Variants in DENND1A observed in about 807,000 individuals in gnomAD.
DENND1A encodes the protein DENN domain containing 1A.
Under a neutral mutation model 113.7 loss-of-function variants are expected in DENND1A, and 51 were observed. That is an observed-to-expected ratio of 0.45 (90% confidence interval 0.36 to 0.57). The LOEUF (loss-of-function observed/expected upper bound fraction) is 0.57, where lower values mean the gene tolerates loss of function less well. Ranked by LOEUF, DENND1A falls within the 20% of genes least tolerant of loss-of-function variation. The pLI, the probability that DENND1A is intolerant of heterozygous loss-of-function variation, is 0.00. For missense variants in DENND1A, 1,258 were observed against 1,395.9 expected (o/e 0.90, Z 1.57); for synonymous variants, 565 against 570.8 (o/e 0.99, Z 0.14).
At position 123,381,525 on chromosome 9, in the gene DENND1A, C is replaced by A. The variant is rs779985177; in HGVS notation, c.3120G>T (p.Gln1040His). 6.2e-7 allele frequency: 1 copy of A among 1,613,618 alleles called. No homozygotes were observed. The highest frequency in any genetic ancestry group is 2.2e-5 in the East Asian group (1 of 44,820). Reference sequence around the variant, plus strand: ...TCGGGCTCACGTCTTGCTTGGTTTTCTGTAACAAATCCTCAAAGGGGTCTC... The same window carrying A: ...TCGGGCTCACGTCTTGCTTGGTTTTATGTAACAAATCCTCAAAGGGGTCTC... ...QARDPFEDLL[Q>H]KTKQDVSPSP... The change falls in exon 24 of 24, where the codon CAG becomes CAT. Residue 1040 changes from glutamine to histidine, a missense_variant. Physicochemically the swap from Gln to His is conservative, Grantham distance 24. This residue lies in a region of DENND1A where 1,159 missense variants were observed against 1,231.7 expected (regional missense o/e 0.94). Transcript: ENST00000394215. The surrounding 1 kb of genome is among the most constrained non-coding windows in gnomAD (Gnocchi z 4.7).
intron 6 of DENND1A, among the ~76,000 whole-genome samples, chr9:123,674,986 C>A (rs1432138556): frequency 6.6e-6 from 1 of 152,016 alleles, no homozygotes; most frequent in Non-Finnish European, 1.5e-5. Flanking sequence ...GAATGTTTGA[C>A]TAAAGGTAAC....
chr9:123,696,396 T>A (rs2065524196), intron 5 of DENND1A, among the ~76,000 whole-genome samples: 1 of 152,236 alleles, frequency 6.6e-6, no homozygotes, highest in South Asian at 2.1e-4. Flanking sequence ...CCACTGTGAA[T>A]GCAAACAAAA....
At chr9:123,667,489 C>A (rs2139863990) in intron 7 of DENND1A, among the ~76,000 whole-genome samples, 1 of 152,170 alleles carries the variant, frequency 6.6e-6, no homozygotes, top group African/African-American at 2.4e-5. Context: ...TGGTGGCGGG[C>A]ACCTGTAATC....
chr9:123,434,217 G>C (rs1401020048), intron 19 of DENND1A, among the ~76,000 whole-genome samples: 5 of 152,168 alleles, frequency 3.3e-5, no homozygotes, highest in African/African-American at 1.2e-4. Flanking sequence ...AGTAGAGACA[G>C]GGTTTCACCA....
rs543295587 is a variant in DENND1A at position 123,620,986 on chromosome 9, A to G, written c.719+9390T>C. On this transcript the variant is annotated intron_variant, in intron 10 of 23. Coordinates refer to ENST00000394215, the MANE Select transcript of DENND1A (RefSeq NM_001352964.2). The stretch of plus-strand genomic sequence containing the variant: ...ACTGCCAGGAATATAGTAAGTATTC[A>G]TAAGCACTTGCTGCAAAATGGCAAT... 8.5e-5 allele frequency among the ~76,000 whole-genome samples: 13 copies of G among 152,312 alleles called. 1 individual carries two copies. In the South Asian group the frequency reaches 2.7e-3, roughly 32 times the overall value.
chr9:123,917,192 A>AAAC (rs148195699), intron 1 of DENND1A, among the ~76,000 whole-genome samples: 7,726 of 152,066 alleles, frequency 0.051, 297 homozygotes, highest in Admixed American at 0.088. Context: ...TCAAAAAACA[A>AAAC]AACAACAACA....
chr9:123,593,363 T>C (rs2039152), intron 11 of DENND1A, among the ~76,000 whole-genome samples: 49,502 of 151,998 alleles, frequency 0.33, 8,447 homozygotes, highest in African/African-American at 0.41. Flanking sequence ...GGGTGACGCC[T>C]AAAGCCAGTA....
intron 3 of DENND1A, among the ~76,000 whole-genome samples, chr9:123,788,636 T>A (rs1233576050): frequency 2.0e-5 from 3 of 152,108 alleles, no homozygotes; most frequent in South Asian, 2.1e-4. Flanking sequence ...TAATGTCTGA[T>A]TGACATGATA....
At chr9:123,847,055 CTG>C (rs1842725052) in intron 2 of DENND1A, among the ~76,000 whole-genome samples, 1 of 152,170 alleles carries the variant, frequency 6.6e-6, no homozygotes, top group Non-Finnish European at 1.5e-5. Context: ...TTTGCCCAGA[CTG>C]ATCTTGAATT....
chr9:123,767,873 A>G (rs991599736), intron 4 of DENND1A, among the ~76,000 whole-genome samples: 14 of 152,270 alleles, frequency 9.2e-5, no homozygotes, highest in African/African-American at 3.1e-4. Flanking sequence ...GTATTCTCTT[A>G]TTTTTCTTTA....
chr9:123,811,850 G>T (rs1404707119), intron 2 of DENND1A, among the ~76,000 whole-genome samples: 1 of 152,166 alleles, frequency 6.6e-6, no homozygotes, highest in East Asian at 1.9e-4. Flanking sequence ...AACTATAAAT[G>T]ACATGGAAAG....
chr9:123,441,124 T>C (rs868078909), intron 18 of DENND1A, among the ~76,000 whole-genome samples: 7 of 152,326 alleles, frequency 4.6e-5, no homozygotes, highest in Middle Eastern at 3.4e-3. Flanking sequence ...ATATAAACAT[T>C]TTCAAGGGTT....
At chr9:123,614,219 G>A (rs1234280376) in intron 10 of DENND1A, among the ~76,000 whole-genome samples, 4 of 152,184 alleles carry the variant, frequency 2.6e-5, no homozygotes, top group Non-Finnish European at 5.9e-5. Context: ...ACGCAAGGCT[G>A]CTGAACAGAC....
At chr9:123,559,657 A>C (rs141578170) in intron 12 of DENND1A, among the ~76,000 whole-genome samples, 152 of 152,368 alleles carry the variant, frequency 1.0e-3, no homozygotes, top group Non-Finnish European at 1.9e-3. Context: ...CTGATAAGAA[A>C]AACTTTTAAT....
At chr9:123,832,365 G>A (rs1452112226) in intron 2 of DENND1A, among the ~76,000 whole-genome samples, 1 of 152,146 alleles carries the variant, frequency 6.6e-6, no homozygotes, top group Non-Finnish European at 1.5e-5. Flanking sequence ...AAATTAAAAA[G>A]ACCTTTAATA....
At chr9:123,488,641 C>A (rs1272604645) in intron 13 of DENND1A, among the ~76,000 whole-genome samples, 1 of 152,192 alleles carries the variant, frequency 6.6e-6, no homozygotes. Context: ...CACTCCACGT[C>A]CCTGGACTAG....
chr9:123,742,561 T>C (rs910121228), intron 5 of DENND1A, among the ~76,000 whole-genome samples: 2 of 152,220 alleles, frequency 1.3e-5, no homozygotes, highest in Admixed American at 1.3e-4. Context: ...CAATCTCAGT[T>C]CATCCTTAGG....
At chr9:123,777,079 T>A (rs1830578067) in intron 3 of DENND1A, among the ~76,000 whole-genome samples, 1 of 152,224 alleles carries the variant, frequency 6.6e-6, no homozygotes, top group Non-Finnish European at 1.5e-5. Flanking sequence ...TATGGTTAGG[T>A]CATTCAAGGA....
chr9:123,396,963 G>C (rs2043169988), intron 21 of DENND1A, among the ~76,000 whole-genome samples: 1 of 152,140 alleles, frequency 6.6e-6, no homozygotes, highest in African/African-American at 2.4e-5. Context: ...TCTTAACAAG[G>C]CATGTTTGAG....
Sources: allele counts gnomAD v4.1 joint callset (sites outside exome capture counted in the v4.1 genomes callset), GRCh38; gene constraint gnomAD v4.1.1; regional missense constraint gnomAD v4.1.1; non-coding constraint Gnocchi (gnomAD v3.1); transcripts MANE v1.5; gene names NCBI Gene and HGNC (gene_info 2026-07-23, HGNC 2026-07-21).